The following DMD variants were observed in gnomAD, a reference collection of about 807,000 sequenced individuals.
DMD encodes the protein dystrophin.
DMD carries 63 observed loss-of-function variants against 330.1 expected under a neutral mutation model. That is an observed-to-expected ratio of 0.19 (90% CI 0.16 to 0.24). The LOEUF is 0.24. Ranked by LOEUF, DMD falls within the 10% of genes least tolerant of loss-of-function variation. The pLI is 1.00. For synonymous variants in DMD, 1,223 were observed against 959.8 expected (o/e 1.27, Z -5.07); for missense variants, 3,344 against 2,684.1 (o/e 1.25, Z -5.43).
chrX:32,868,326 C>T (rs1310183497), intron 2 of DMD, among the ~76,000 whole-genome samples: 2 of 111,752 alleles, frequency 1.8e-5, no homozygotes, highest in Non-Finnish European at 3.8e-5. Context: ...CTCCTTAAGA[C>T]TGCTCAGTTT....
At chrX:31,684,322 T>C (rs1390564006) in intron 52 of DMD, among the ~76,000 whole-genome samples, 3 of 111,996 alleles carry the variant, frequency 2.7e-5, no homozygotes, top group East Asian at 2.8e-4. Context: ...TAGGTATTGA[T>C]TGGGGAAAAT....
chrX:32,865,865 G>A (rs1278717499), intron 2 of DMD, among the ~76,000 whole-genome samples: 1 of 112,134 alleles, frequency 8.9e-6, no homozygotes, highest in Non-Finnish European at 1.9e-5. Flanking sequence ...ACAAAATTGG[G>A]CCTAGTATTT....
At chrX:32,507,885 G>A (rs1397679355) in intron 18 of DMD, among the ~76,000 whole-genome samples, 1 of 110,850 alleles carries the variant, frequency 9.0e-6, no homozygotes, top group Non-Finnish European at 1.9e-5. Context: ...CATCATATTA[G>A]GAAGTTTTAG....
chrX:32,040,422 G>A (rs1213465106), intron 44 of DMD, among the ~76,000 whole-genome samples: 1 of 112,135 alleles, frequency 8.9e-6, no homozygotes, highest in Non-Finnish European at 1.9e-5. Flanking sequence ...TCCACTCTGT[G>A]GAAGAAGGAA....
chrX:31,129,917 T>G (rs1372750439), intron 77 of DMD, among the ~76,000 whole-genome samples: 1 of 111,676 alleles, frequency 9.0e-6, no homozygotes, highest in African/African-American at 3.3e-5. Flanking sequence ...TTAGGGGTAT[T>G]TGATAGAATG....
chrX:32,787,241 T>TGA (rs1340982882), intron 7 of DMD, among the ~76,000 whole-genome samples: 35 of 96,208 alleles, frequency 3.6e-4, no homozygotes, highest in South Asian at 1.7e-3. Flanking sequence ...TGTGTGTGTG[T>TGA]GTGTGTGAGA....
In DMD at chrX:32,881,770, G is replaced by C. The variant is rs183908312; in HGVS notation, c.94-31950C>G. On this transcript the variant is annotated intron_variant, in intron 2 of 78. Coordinates refer to ENST00000357033, the MANE Select transcript of DMD (RefSeq NM_004006.3). ...GACATATTAGCACTCATGCTGGTTA[G>C]AGATTTTATCTTCCTCAGAGCCATA... Among the ~76,000 whole-genome samples the C allele has an allele frequency of 6.3e-5, 7 of 111,958 alleles. No homozygotes were observed. The Admixed American group carries it at 6.6e-4, about 11-fold the overall frequency.
chrX:32,804,825 G>A (rs755846822), intron 7 of DMD, among the ~76,000 whole-genome samples: 1 of 112,168 alleles, frequency 8.9e-6, no homozygotes, highest in African/African-American at 3.2e-5. Context: ...GTGATACCCA[G>A]GCAAATAGGG....
intron 76 of DMD, among the ~76,000 whole-genome samples, chrX:31,144,939 T>C (rs1043128191): frequency 2.7e-5 from 3 of 111,746 alleles, no homozygotes; most frequent in African/African-American, 9.8e-5. Context: ...AATGCCCTAC[T>C]CTTGTTTTGA....
intron 47 of DMD, among the ~76,000 whole-genome samples, chrX:31,901,339 G>C (rs754917915): frequency 1.1e-4 from 12 of 111,649 alleles, no homozygotes; most frequent in African/African-American, 3.9e-4. Flanking sequence ...ATAATATTTT[G>C]TTTACAGTCT....
intron 44 of DMD, among the ~76,000 whole-genome samples, chrX:32,192,331 G>A (rs371613947): frequency 2.3e-4 from 26 of 111,605 alleles, no homozygotes; most frequent in African/African-American, 8.1e-4. Context: ...ATCTAGTTAA[G>A]GGGAGAAGGC....
At chrX:31,707,717 C>A (rs777110420) in intron 52 of DMD, among the ~76,000 whole-genome samples, 2 of 111,351 alleles carry the variant, frequency 1.8e-5, no homozygotes, top group East Asian at 5.7e-4. Context: ...CCCCAGAAAC[C>A]TCAGAGGCCT....
At chrX:32,812,819 A>C (rs1271716576) in intron 6 of DMD, among the ~76,000 whole-genome samples, 1 of 111,734 alleles carries the variant, frequency 8.9e-6, no homozygotes, top group Non-Finnish European at 1.9e-5. Flanking sequence ...TTTGTTATGA[A>C]AAATATATAA....
intron 1 of DMD, among the ~76,000 whole-genome samples, chrX:33,072,123 A>T (rs2094767886): frequency 8.9e-6 from 1 of 112,282 alleles, no homozygotes; most frequent in Non-Finnish European, 1.9e-5. Context: ...GATGGTTAAG[A>T]AATCTGGTCA....
At chrX:32,375,093 C>G (rs771228211) in intron 34 of DMD, among the ~76,000 whole-genome samples, 8 of 110,667 alleles carry the variant, frequency 7.2e-5, no homozygotes, top group Non-Finnish European at 1.1e-4. Flanking sequence ...ACAAACTGAC[C>G]ATACACAGGC....
intron 44 of DMD, among the ~76,000 whole-genome samples, chrX:32,210,668 T>C (rs980753502): frequency 8.9e-6 from 1 of 111,930 alleles, no homozygotes; most frequent in Non-Finnish European, 1.9e-5. Flanking sequence ...TAGATTGCCA[T>C]GTTAGGTGTA....
chrX:32,383,317 A>T (rs1329117236), intron 33 of DMD, among the ~76,000 whole-genome samples: 1 of 111,085 alleles, frequency 9.0e-6, no homozygotes, highest in Non-Finnish European at 1.9e-5. Flanking sequence ...TTACTCCAAA[A>T]AGGTAATGCA....
intron 42 of DMD, among the ~76,000 whole-genome samples, chrX:32,296,141 C>A (rs929442935): frequency 1.8e-5 from 2 of 111,977 alleles, no homozygotes; most frequent in African/African-American, 6.5e-5. Context: ...CCTGTAATCC[C>A]AGCACTTTGG....
chrX:33,036,069 C>T (rs1348592957), intron 1 of DMD, among the ~76,000 whole-genome samples: 3 of 111,031 alleles, frequency 2.7e-5, no homozygotes, highest in African/African-American at 9.8e-5. Flanking sequence ...GCTGAGGAGT[C>T]AAACTAAAAC....
Sources: gnomAD v4.1 joint callset for allele counts (sites outside exome capture counted in the v4.1 genomes callset) on GRCh38, gnomAD v4.1.1 for gene constraint, MANE v1.5 for transcripts, NCBI Gene and HGNC (gene_info 2026-07-23, HGNC 2026-07-21) for gene names.